The following SYTL2 variants were observed in gnomAD, a reference collection of about 807,000 sequenced individuals.
SYTL2 encodes synaptotagmin-like protein 2.
Under a neutral mutation model 198.7 loss-of-function variants are expected in SYTL2, and 165 were observed. The ratio of observed to expected loss-of-function variants is 0.83; its 90% confidence interval spans 0.73 to 0.94. The LOEUF (loss-of-function observed/expected upper bound fraction) is 0.94. Ranked by LOEUF, SYTL2 falls within the 40% of genes least tolerant of loss-of-function variation. The pLI, the probability that SYTL2 is intolerant of heterozygous loss-of-function variation, is 0.00. For missense variants in SYTL2, 2,835 were observed against 2,582.8 expected (o/e 1.10, Z -2.12); for synonymous variants, 966 against 917.7 (o/e 1.05, Z -0.95).
chr11:85,736,114 A>G (rs2090320434), intron 6 of SYTL2, among the ~76,000 whole-genome samples: 1 of 152,252 alleles, frequency 6.6e-6, no homozygotes, highest in Non-Finnish European at 1.5e-5. Flanking sequence ...GGATCATAAC[A>G]TTGTCAACAG....
intron 1 of SYTL2, among the ~76,000 whole-genome samples, chr11:85,795,848 A>G (rs1331579928): frequency 6.6e-6 from 1 of 151,954 alleles, no homozygotes. Context: ...CATATCTACC[A>G]AACTGCAAAT....
At chr11:85,760,086 A>T (rs911864026) in intron 1 of SYTL2, among the ~76,000 whole-genome samples, 1 of 152,172 alleles carries the variant, frequency 6.6e-6, no homozygotes, top group East Asian at 1.9e-4. Context: ...TAGGCTGTAA[A>T]TGTGCTTTTG....
the SYTL2 span, among the ~76,000 whole-genome samples, chr11:85,850,986 T>C: frequency 7.8e-6 from 1 of 128,340 alleles, no homozygotes; most frequent in Non-Finnish European, 1.6e-5. Flanking sequence ...TGAGATCACA[T>C]GGACACAGGA....
chr11:85,833,170 A>G, the SYTL2 span, among the ~76,000 whole-genome samples: 203 of 137,240 alleles, frequency 1.5e-3, 9 homozygotes, highest in East Asian at 6.7e-3. Flanking sequence ...AAAGAAAGAA[A>G]GAAAGAAAGA....
intron 5 of SYTL2, among the ~76,000 whole-genome samples, chr11:85,736,900 C>T (rs997521831): frequency 2.6e-5 from 4 of 152,104 alleles, no homozygotes; most frequent in South Asian, 2.1e-4. Flanking sequence ...AACTTGGCCC[C>T]GGATATAGCA....
chr11:85,848,469 T>C, the SYTL2 span, among the ~76,000 whole-genome samples: 3 of 152,150 alleles, frequency 2.0e-5, no homozygotes, highest in African/African-American at 7.2e-5. Flanking sequence ...TAATTTTTTG[T>C]ATGGTTTTTG....
At chr11:85,759,288 C>G (rs2153555885) in intron 1 of SYTL2, among the ~76,000 whole-genome samples, 1 of 151,108 alleles carries the variant, frequency 6.6e-6, no homozygotes, top group African/African-American at 2.4e-5. Flanking sequence ...TAAAGCAGCC[C>G]CACTTAAGAA....
chr11:85,726,603 T>C lies in SYTL2; in HGVS notation c.2755A>G (p.Ser919Gly), dbSNP rs781577799. Residue 919 changes from serine (S) to glycine (G), a missense_variant, in exon 8 of 20, where the codon AGT becomes GGT. Around this residue, in one of 3 missense-constraint regions of SYTL2, gnomAD observed 2,645 missense variants for 2,381.7 expected, o/e 1.11. Transcript: ENST00000359152. ...EPIKRSQVAD[S>G]LPSRRNITLP... is the part of the protein sequence containing the mutation. Reference sequence around the variant, plus strand: ...GTAATGTTTCTTCTAGAAGGCAAACTGTCTGCCACTTGTGATCTTTTTATA... The same window carrying C: ...GTAATGTTTCTTCTAGAAGGCAAACCGTCTGCCACTTGTGATCTTTTTATA... 2.6e-6 allele frequency: 4 copies of C among 1,554,670 alleles called. No homozygotes were observed. The Admixed American group carries it at 7.6e-5, about 29-fold the overall frequency.
the SYTL2 span, among the ~76,000 whole-genome samples, chr11:85,828,828 G>C: frequency 9.9e-3 from 1,514 of 152,260 alleles, 14 homozygotes; most frequent in African/African-American, 0.033. Context: ...TTGAACCCAA[G>C]GTTTATGATC....
At chr11:85,814,836 C>T (rs1034218097), upstream of SYTL2, among the ~76,000 whole-genome samples, 7 of 152,180 alleles carry the variant, frequency 4.6e-5, no homozygotes, top group African/African-American at 1.4e-4. Context: ...AGGAATCCTT[C>T]TTATGCATCA....
At chr11:85,752,944 A>AC (rs1565984365) in intron 2 of SYTL2, among the ~76,000 whole-genome samples, 7 of 145,168 alleles carry the variant, frequency 4.8e-5, no homozygotes, top group South Asian at 4.6e-4. Context: ...AAAAAAAAAA[A>AC]AAAAAAACAC....
In SYTL2 at chr11:85,734,201, T is replaced by C; in HGVS notation, c.1128A>G (p.Glu376=). Residue 376 remains glutamate, a synonymous_variant, in exon 7 of 20, where the codon GAA becomes GAG. Transcript: ENST00000359152. ...KNGMEDAGDT[E]EFQSDPKPSQ... Reference sequence around the variant, plus strand: ...AAGGCTTAGGGTCACTCTGAAACTCTTCTGTGTCCCCTGCATCTTCCATTC... The same window carrying C: ...AAGGCTTAGGGTCACTCTGAAACTCCTCTGTGTCCCCTGCATCTTCCATTC... 1.2e-6 allele frequency: 2 copies of C among 1,614,196 alleles called. No individual in the cohort carries two copies. Among genetic ancestry groups the C allele is most frequent in the Non-Finnish European group, 1.7e-6 (2 of 1,180,022 alleles).
intron 1 of SYTL2, among the ~76,000 whole-genome samples, chr11:85,780,131 C>A (rs1380765093): frequency 6.6e-6 from 1 of 152,202 alleles, no homozygotes; most frequent in Admixed American, 6.5e-5. Context: ...GGCCCTATAC[C>A]TCTTATTGCA....
At chr11:85,817,746 A>G in the SYTL2 span, among the ~76,000 whole-genome samples, 3 of 152,298 alleles carry the variant, frequency 2.0e-5, no homozygotes, top group East Asian at 5.8e-4. Context: ...GTTATTGTAT[A>G]CAGGATAAGA....
At chr11:85,830,114 C>T in the SYTL2 span, among the ~76,000 whole-genome samples, 2 of 152,186 alleles carry the variant, frequency 1.3e-5, no homozygotes, top group East Asian at 1.9e-4. Flanking sequence ...CATTCTCAAA[C>T]TTCAGTGTGT....
rs2083431141 is a variant in SYTL2, at chr11:85,696,502, A to G, written c.6369-114T>C. ...TGACAATGGAGGAAAAGATGTGGAG[A>G]GATAGTGGTGGTGGTGGTTTGGCAG... On this transcript the variant is annotated intron_variant, in intron 18 of 19. Transcript: ENST00000359152. 3.4e-6 allele frequency: 3 copies of G among 881,842 alleles called. No homozygotes were observed. In the Admixed American group the frequency reaches 6.2e-5, roughly 18 times the overall value. 54.6% of individuals were successfully genotyped at this position (881,842 alleles called of 1,614,324 possible).
intron 15 of SYTL2, among the ~76,000 whole-genome samples, chr11:85,706,984 G>A (rs577286735): frequency 2.8e-4 from 42 of 152,206 alleles, no homozygotes; most frequent in Middle Eastern, 3.4e-3. Flanking sequence ...GGGATTACAG[G>A]TGCCTGCCAC....
intron 6 of SYTL2, 105 bp from the exon 7 acceptor site, chr11:85,734,847 T>A: frequency 1.2e-6 from 1 of 853,122 alleles, no homozygotes; most frequent in Non-Finnish European, 1.8e-6. Context: ...ATTAAAATAT[T>A]AAAGACAGTA....
chr11:85,787,700 C>CT (rs2092658811), intron 1 of SYTL2, among the ~76,000 whole-genome samples: 1 of 107,444 alleles, frequency 9.3e-6, no homozygotes, highest in Non-Finnish European at 1.9e-5. Context: ...TTTTTCTTTT[C>CT]CTTTTTTTTT....
Sources: allele counts gnomAD v4.1 joint callset (sites outside exome capture counted in the v4.1 genomes callset), GRCh38; gene constraint gnomAD v4.1.1; regional missense constraint gnomAD v4.1.1; transcripts MANE v1.5; gene names NCBI Gene and HGNC (gene_info 2026-07-23, HGNC 2026-07-21).